The following NEDD4L variants were observed in gnomAD, a reference collection of about 807,000 sequenced individuals.
The protein encoded by NEDD4L is E3 ubiquitin-protein ligase NEDD4-like.
NEDD4L carries 54 observed loss-of-function variants against 148.9 expected under a neutral mutation model. The ratio of observed to expected loss-of-function variants is 0.36; its 90% CI spans 0.29 to 0.45. NEDD4L has a LOEUF of 0.45. Ranked by LOEUF, NEDD4L falls within the 20% of genes least tolerant of loss-of-function variation. The pLI is 1.00. For synonymous variants in NEDD4L, 433 were observed against 440.7 expected (o/e 0.98, Z 0.22); for missense variants, 856 against 1,233.8 (o/e 0.69, Z 4.59).
At chr18:58,334,211 C>G (rs993653435) in intron 12 of NEDD4L, among the ~76,000 whole-genome samples, 3 of 152,214 alleles carry the variant, frequency 2.0e-5, no homozygotes, top group Non-Finnish European at 2.9e-5. Context: ...TATAGTTATG[C>G]TCCAGTGATC....
chr18:58,076,767 G>A (rs936594240), intron 1 of NEDD4L, among the ~76,000 whole-genome samples: 2 of 151,638 alleles, frequency 1.3e-5, no homozygotes, highest in Non-Finnish European at 2.9e-5. Flanking sequence ...AAAATTTCAA[G>A]CCTGCAGAAA....
intron 5 of NEDD4L, among the ~76,000 whole-genome samples, chr18:58,301,639 G>A (rs895914245): frequency 6.6e-6 from 1 of 152,160 alleles, no homozygotes; most frequent in African/African-American, 2.4e-5. Context: ...AGGGTCAGAG[G>A]GAGTGCAGCT....
Position 58,391,828 on chromosome 18 carries a change from G to A in NEDD4L, c.2825+269G>A, listed in dbSNP as rs12968965. Reference sequence around the variant, plus strand: ...AGTCCTTCCCTCATTATTCTAGGTAGTGGAGCTTTCACTGTTCAGCATACA... The same window carrying A: ...AGTCCTTCCCTCATTATTCTAGGTAATGGAGCTTTCACTGTTCAGCATACA... On this transcript the variant is annotated intron_variant, in intron 30 of 30. Coordinates refer to ENST00000400345, the MANE Select transcript of NEDD4L (RefSeq NM_001144967.3). 0.052 allele frequency among the ~76,000 whole-genome samples: 7,932 copies of A among 152,312 alleles called. 276 individuals carry two copies. Among genetic ancestry groups the A allele is most frequent in the South Asian group, 0.18 (880 of 4,828 alleles).
intron 2 of NEDD4L, among the ~76,000 whole-genome samples, chr18:58,169,604 G>A (rs969573382): frequency 6.6e-6 from 1 of 152,080 alleles, no homozygotes; most frequent in Non-Finnish European, 1.5e-5. Context: ...AAAAAAGCAG[G>A]CCTCACATAA....
chr18:58,136,674 C>T (rs2032888841), intron 1 of NEDD4L, among the ~76,000 whole-genome samples: 1 of 152,192 alleles, frequency 6.6e-6, no homozygotes. Context: ...AAGCAACATT[C>T]CAGAAGGACC....
At chr18:58,077,831 A>G (rs540233250) in intron 1 of NEDD4L, among the ~76,000 whole-genome samples, 1 of 152,294 alleles carries the variant, frequency 6.6e-6, no homozygotes, top group East Asian at 1.9e-4. Flanking sequence ...GTTCTCAACC[A>G]GGGGCAGTTT....
intron 18 of NEDD4L, among the ~76,000 whole-genome samples, chr18:58,355,012 A>G (rs1344963634): frequency 6.6e-6 from 1 of 152,262 alleles, no homozygotes; most frequent in Non-Finnish European, 1.5e-5. Context: ...AGGGGCGCAC[A>G]GGCCAAGCCA....
rs187814023 is a variant in NEDD4L, at chr18:58,250,766, C to T, written c.244-1235C>T. On this transcript the variant is annotated intron_variant, in intron 4 of 30. Transcript: ENST00000400345. ...TGAGGACTCTCAATCTCCCTGGGAT[C>T]CTTATCTCTCACATAGGAGAGAGAA... Among the ~76,000 whole-genome samples, 10 of 152,290 alleles carry T rather than the reference C, an allele frequency of 6.6e-5. No homozygotes were observed. In the East Asian group the frequency reaches 9.7e-4, roughly 15 times the overall value.
chr18:58,157,408 T>C (rs2035637490), intron 1 of NEDD4L, among the ~76,000 whole-genome samples: 1 of 152,174 alleles, frequency 6.6e-6, no homozygotes, highest in African/African-American at 2.4e-5. Context: ...CAGCCAGTGT[T>C]ACCAGTTTCT....
intron 5 of NEDD4L, among the ~76,000 whole-genome samples, chr18:58,259,527 T>A (rs1216401694): frequency 6.6e-6 from 1 of 152,236 alleles, no homozygotes; most frequent in East Asian, 1.9e-4. Context: ...GTGCCCCCTT[T>A]GTATGCCATT....
At chr18:58,181,352 T>A (rs1431432865) in intron 2 of NEDD4L, among the ~76,000 whole-genome samples, 2 of 152,228 alleles carry the variant, frequency 1.3e-5, no homozygotes, top group Non-Finnish European at 2.9e-5. Flanking sequence ...ATAAAATGTT[T>A]AGGATTCATT....
At chr18:58,328,424 G>T (rs1300082893) in intron 9 of NEDD4L, among the ~76,000 whole-genome samples, 1 of 152,210 alleles carries the variant, frequency 6.6e-6, no homozygotes, top group Admixed American at 6.5e-5. Context: ...GGTAAAGGAG[G>T]TAAATGCAGT....
chr18:58,288,507 A>G (rs564380522), intron 5 of NEDD4L, among the ~76,000 whole-genome samples: 1 of 152,376 alleles, frequency 6.6e-6, no homozygotes, highest in South Asian at 2.1e-4. Flanking sequence ...TTTGTTTTGT[A>G]TAGCGAAAAA....
chr18:58,356,810 G>T (rs2044730857), intron 18 of NEDD4L, among the ~76,000 whole-genome samples: 1 of 152,160 alleles, frequency 6.6e-6, no homozygotes, highest in Admixed American at 6.5e-5. Flanking sequence ...GTGTGTGTTT[G>T]TTAGCCTTTT....
chr18:58,364,673 T>C (rs1230396117), intron 20 of NEDD4L, among the ~76,000 whole-genome samples: 4 of 152,358 alleles, frequency 2.6e-5, no homozygotes, highest in African/African-American at 9.6e-5. Context: ...GCAGTTATCA[T>C]ATTTAATTAA....
chr18:58,066,949 A>T (rs879937463), intron 1 of NEDD4L, among the ~76,000 whole-genome samples: 1 of 152,214 alleles, frequency 6.6e-6, no homozygotes, highest in Non-Finnish European at 1.5e-5. Context: ...GCAATTCCAC[A>T]TGAGATTTGA....
At chr18:58,082,385 C>T (rs757502405) in intron 1 of NEDD4L, among the ~76,000 whole-genome samples, 58 of 149,976 alleles carry the variant, frequency 3.9e-4, no homozygotes, top group Non-Finnish European at 6.4e-4. Context: ...GGATTACAGG[C>T]CTTCTAATAA....
chr18:58,094,003 C>T (rs2084226823), intron 1 of NEDD4L, among the ~76,000 whole-genome samples: 1 of 152,056 alleles, frequency 6.6e-6, no homozygotes. Flanking sequence ...TCCTTTCTTT[C>T]CTCATTACAC....
chr18:58,382,721 C>T (rs1409785627), intron 24 of NEDD4L, among the ~76,000 whole-genome samples: 2 of 152,104 alleles, frequency 1.3e-5, no homozygotes, highest in Non-Finnish European at 2.9e-5. Context: ...AGAAGGCGTC[C>T]AATGCAAATA....
Sources: gnomAD v4.1 joint callset for allele counts (sites outside exome capture counted in the v4.1 genomes callset) on GRCh38, gnomAD v4.1.1 for gene constraint, MANE v1.5 for transcripts, NCBI Gene and HGNC (gene_info 2026-07-23, HGNC 2026-07-21) for gene names.